SYNRG: variants seen among roughly 807,000 people sequenced by gnomAD.
The protein encoded by SYNRG is synergin gamma, also known as AP1 gamma subunit binding protein 1.
In SYNRG, 37 loss-of-function variants were observed where a neutral mutation model predicts 130.9. The observed-to-expected ratio is 0.28, with a 90% CI of 0.22 to 0.37. The LOEUF is 0.37. Ranked by LOEUF, SYNRG falls within the 10% of genes least tolerant of loss-of-function variation. SYNRG has a pLI of 1.00. For synonymous variants in SYNRG, 539 were observed against 568.1 expected (o/e 0.95, Z 0.73); for missense variants, 1,338 against 1,588.9 (o/e 0.84, Z 2.68).
intron 14 of SYNRG, among the ~76,000 whole-genome samples, chr17:37,543,422 A>C (rs2057961409): frequency 6.6e-6 from 1 of 152,244 alleles, no homozygotes; most frequent in Non-Finnish European, 1.5e-5. Flanking sequence ...GAGGTAGCAT[A>C]AAACAGCATA....
chr17:37,559,379 GA>G (rs35972857), intron 13 of SYNRG, among the ~76,000 whole-genome samples: 3 of 151,510 alleles, frequency 2.0e-5, no homozygotes, highest in African/African-American at 7.3e-5. Flanking sequence ...AACAACAATA[GA>G]AAAAAAAATC....
At chr17:37,562,576 CCTT>C (rs755122139) in intron 11 of SYNRG, among the ~76,000 whole-genome samples, 3 of 152,190 alleles carry the variant, frequency 2.0e-5, no homozygotes, top group East Asian at 3.8e-4. Flanking sequence ...GTCATTTAAA[CCTT>C]CTTATCAGTG....
intron 3 of SYNRG, among the ~76,000 whole-genome samples, chr17:37,594,282 T>A (rs1598606266): frequency 6.8e-6 from 1 of 147,060 alleles, no homozygotes; most frequent in Admixed American, 6.8e-5. Flanking sequence ...ATATTAATTT[T>A]AATTATATTA....
At chr17:37,563,180 G>A (rs2059671340) in intron 11 of SYNRG, among the ~76,000 whole-genome samples, 1 of 152,184 alleles carries the variant, frequency 6.6e-6, no homozygotes, top group South Asian at 2.1e-4. Flanking sequence ...CCATGAAAGT[G>A]TTTATGCCAG....
At chr17:37,599,700 C>G (rs955638292) in intron 2 of SYNRG, among the ~76,000 whole-genome samples, 1 of 151,946 alleles carries the variant, frequency 6.6e-6, no homozygotes, top group Non-Finnish European at 1.5e-5. Flanking sequence ...CCAGCCTGGA[C>G]GACAGAGCAA....
intron 1 of SYNRG, among the ~76,000 whole-genome samples, chr17:37,604,747 G>T (rs1170460491): frequency 1.3e-5 from 2 of 152,172 alleles, no homozygotes; most frequent in South Asian, 2.1e-4. Flanking sequence ...TTCTAGCTTC[G>T]GATTTAAAGG....
intron 1 of SYNRG, chr17:37,605,881 G>C (rs1445941618): frequency 3.0e-6 from 3 of 985,316 alleles, no homozygotes; most frequent in Non-Finnish European, 3.6e-6. Flanking sequence ...TTGACACTAG[G>C]CTTCACTTCT....
intron 3 of SYNRG, among the ~76,000 whole-genome samples, chr17:37,589,722 C>T (rs1412168764): frequency 6.6e-6 from 1 of 151,464 alleles, no homozygotes; most frequent in African/African-American, 2.4e-5. Context: ...ACACTCCAGC[C>T]TGGGCGACAG....
At chr17:37,541,255 C>T in intron 15 of SYNRG, 1 of 985,440 alleles carries the variant, frequency 1.0e-6, no homozygotes, top group South Asian at 4.7e-5. Flanking sequence ...TCAACGACCC[C>T]TCCTGTCAGG....
chr17:37,565,242 G>A (rs1474440191), intron 11 of SYNRG, among the ~76,000 whole-genome samples: 1 of 151,194 alleles, frequency 6.6e-6, no homozygotes, highest in African/African-American at 2.4e-5. Flanking sequence ...TTAGCCTGGA[G>A]ACAGAGCAAG....
intron 19 of SYNRG, among the ~76,000 whole-genome samples, chr17:37,524,409 A>G (rs997767760): frequency 6.6e-6 from 1 of 152,210 alleles, no homozygotes; most frequent in Non-Finnish European, 1.5e-5. Context: ...AGCTCCACAA[A>G]TCTTTCTTAA....
intron 11 of SYNRG, chr17:37,568,549 A>G (rs2060169174): frequency 2.5e-6 from 1 of 392,642 alleles, no homozygotes. Flanking sequence ...GGTTTGGCAC[A>G]GGTAAAAAAG....
intron 3 of SYNRG, among the ~76,000 whole-genome samples, chr17:37,594,144 T>C (rs2062469282): frequency 6.7e-6 from 1 of 148,662 alleles, no homozygotes; most frequent in Admixed American, 6.7e-5. Flanking sequence ...CATAAAATAA[T>C]GTTTATGAAT....
intron 14 of SYNRG, among the ~76,000 whole-genome samples, chr17:37,551,677 T>C (rs1350056757): frequency 4.0e-5 from 6 of 151,860 alleles, no homozygotes; most frequent in Admixed American, 2.0e-4. Context: ...ATTAATAACT[T>C]CAGAGTCCAA....
intron 11 of SYNRG, chr17:37,568,574 G>A (rs2145914334): frequency 2.2e-6 from 1 of 455,802 alleles, no homozygotes; most frequent in East Asian, 3.5e-5. Context: ...TTGGCAGGCA[G>A]GTGTGTACTT....
intron 3 of SYNRG, among the ~76,000 whole-genome samples, chr17:37,595,192 C>T (rs551953161): frequency 2.4e-4 from 37 of 152,232 alleles, no homozygotes; most frequent in African/African-American, 8.9e-4. Context: ...TTTTCCTGAC[C>T]CTTTAAACAC....
At chr17:37,600,603 G>A (rs114985161) in intron 1 of SYNRG, 200 bp from the exon 2 acceptor site, 2 of 697,810 alleles carry the variant, frequency 2.9e-6, no homozygotes, top group African/African-American at 3.6e-5. Context: ...GAAACTTGTT[G>A]AAACAAAAGA....
chr17:37,569,112 TTAAA>T (rs1568423236), intron 10 of SYNRG, among the ~76,000 whole-genome samples, 188 bp from the exon 11 acceptor site: 1 of 152,126 alleles, frequency 6.6e-6, no homozygotes, highest in Non-Finnish European at 1.5e-5. Context: ...AAAGACTGGT[TTAAA>T]TAGCTAATTT....
intron 6 of SYNRG, among the ~76,000 whole-genome samples, chr17:37,581,558 G>C (rs933559765): frequency 1.3e-5 from 2 of 151,688 alleles, no homozygotes; most frequent in African/African-American, 4.8e-5. Context: ...GATTATAGGC[G>C]TGAGCCACCA....
Sources: allele counts gnomAD v4.1 joint callset (sites outside exome capture counted in the v4.1 genomes callset), GRCh38; gene constraint gnomAD v4.1.1; transcripts MANE v1.5; gene names NCBI Gene and HGNC (gene_info 2026-07-23, HGNC 2026-07-21).